Variants in DNAAF9 observed in about 807,000 individuals in gnomAD.
DNAAF9 encodes the protein dynein axonemal assembly factor 9.
Under a neutral mutation model 167.0 loss-of-function variants are expected in DNAAF9, and 90 were observed. That is an observed-to-expected ratio of 0.54 (90% CI 0.45 to 0.64). The LOEUF (loss-of-function observed/expected upper bound fraction) is 0.64, where lower values mean the gene tolerates loss of function less well. DNAAF9 is among the 30% of genes least tolerant of loss of function. The probability of loss-of-function intolerance (pLI) is 0.00; values close to 1 mark genes in which losing one functional copy is unlikely to be tolerated. For synonymous variants in DNAAF9, 491 were observed against 508.8 expected (o/e 0.96, Z 0.47); for missense variants, 1,315 against 1,442.2 (o/e 0.91, Z 1.43).
chr20:3,283,595 C>T (rs958759916), intron 27 of DNAAF9, among the ~76,000 whole-genome samples: 19 of 152,222 alleles, frequency 1.2e-4, no homozygotes, highest in African/African-American at 1.9e-4. Flanking sequence ...ACCCACAACA[C>T]GCACTGCCAG....
At chr20:3,377,952 C>T (rs1298856650) in intron 3 of DNAAF9, among the ~76,000 whole-genome samples, 3 of 152,162 alleles carry the variant, frequency 2.0e-5, no homozygotes, top group Non-Finnish European at 4.4e-5. Flanking sequence ...TTTTGGTTTA[C>T]AGCTTCAAAG....
chr20:3,295,740 T>C, intron 23 of DNAAF9: 1 of 644,508 alleles, frequency 1.6e-6, no homozygotes, highest in South Asian at 1.4e-5. Flanking sequence ...CGTGATGTAG[T>C]TGTCCACTTT....
intron 20 of DNAAF9, among the ~76,000 whole-genome samples, chr20:3,308,019 T>C (rs2069333409): frequency 6.7e-6 from 1 of 149,792 alleles, no homozygotes; most frequent in South Asian, 2.1e-4. Context: ...CCCAGATGTC[T>C]ATGAACTCAC....
intron 20 of DNAAF9, 85 bp downstream of exon 20, chr20:3,314,948 G>T: frequency 1.3e-6 from 1 of 753,948 alleles, no homozygotes; most frequent in Non-Finnish European, 2.4e-6. Context: ...AATAGAAGAT[G>T]TATTATTAAT....
At chr20:3,303,348 A>G (rs1462674127) in intron 21 of DNAAF9, among the ~76,000 whole-genome samples, 1 of 152,156 alleles carries the variant, frequency 6.6e-6, no homozygotes, top group African/African-American at 2.4e-5. Context: ...TAGAGGTTTA[A>G]TAAATATTCA....
chr20:3,406,789 T>A (rs1416654588), intron 1 of DNAAF9, among the ~76,000 whole-genome samples: 2 of 152,150 alleles, frequency 1.3e-5, no homozygotes, highest in Non-Finnish European at 2.9e-5. Flanking sequence ...GCGTCCCTAA[T>A]ACCTCTACTT....
chr20:3,326,146 T>C (rs1208910706), intron 13 of DNAAF9, 51 bp downstream of exon 13: 3 of 1,317,496 alleles, frequency 2.3e-6, no homozygotes, highest in African/African-American at 1.5e-5. Flanking sequence ...GGATAGAATG[T>C]TTTACATTAA....
Position 3,255,328 on chromosome 20 carries a change from T to C in DNAAF9, c.3262-44A>G, listed in dbSNP as rs1324970447. 3 of 1,258,464 alleles carry C rather than the reference T, an allele frequency of 2.4e-6. No individual in the cohort carries two copies. The East Asian group carries it at 7.6e-5, about 32-fold the overall frequency. The allele number at this position is 1,258,464 out of a possible 1,614,324, so 78.0% of individuals were successfully genotyped here. A position where few individuals can be genotyped will look rare whatever the true frequency, so the allele number is the denominator to read the frequency against. ...GAGGGTCAGGTCCCAGCAGAACTCA[T>C]GGAGTGCATGGGCAGGGGAGGGCTC... is the stretch of plus-strand genomic sequence containing the variant. On this transcript the variant is annotated intron_variant, in intron 34 of 36. Coordinates refer to ENST00000252032, the MANE Select transcript of DNAAF9 (RefSeq NM_001009984.3).
intron 33 of DNAAF9, among the ~76,000 whole-genome samples, chr20:3,259,200 G>C (rs1437930651): frequency 6.6e-6 from 1 of 152,226 alleles, no homozygotes; most frequent in African/African-American, 2.4e-5. Flanking sequence ...GTAAGGCTCT[G>C]AACAAGAAGG....
intron 23 of DNAAF9, chr20:3,296,284 G>A (rs1187175521): frequency 2.5e-6 from 1 of 399,020 alleles, no homozygotes; most frequent in Non-Finnish European, 4.9e-6. Flanking sequence ...CAAGACAGGT[G>A]AGACGGGCCC....
chr20:3,308,017 T>C (rs531461829), intron 20 of DNAAF9, among the ~76,000 whole-genome samples: 1 of 148,906 alleles, frequency 6.7e-6, no homozygotes, highest in South Asian at 2.1e-4. Context: ...AACCCAGATG[T>C]CTATGAACTC....
chr20:3,377,725 T>G (rs2083594630), intron 3 of DNAAF9, among the ~76,000 whole-genome samples: 1 of 152,112 alleles, frequency 6.6e-6, no homozygotes, highest in African/African-American at 2.4e-5. Flanking sequence ...CTTGAAGTGC[T>G]AGGATTATAG....
intron 31 of DNAAF9, among the ~76,000 whole-genome samples, chr20:3,262,248 CTTTTTTT>C (rs953323176): frequency 1.5e-5 from 2 of 131,678 alleles, no homozygotes; most frequent in African/African-American, 2.8e-5. Flanking sequence ...AGTTCACATT[CTTTTTTT>C]TTTTTTTTTT....
At chr20:3,313,823 G>T (rs2069455096) in intron 20 of DNAAF9, among the ~76,000 whole-genome samples, 1 of 152,168 alleles carries the variant, frequency 6.6e-6, no homozygotes, top group Admixed American at 6.5e-5. Flanking sequence ...GATGACAGCG[G>T]TGTAGCTATA....
At chr20:3,343,772 T>C (rs754506085) in intron 8 of DNAAF9, 41 bp from the exon 9 acceptor site, 1 of 1,514,882 alleles carries the variant, frequency 6.6e-7, no homozygotes, top group Non-Finnish European at 9.2e-7. Flanking sequence ...GAACACAATT[T>C]GGTAAAACAG....
chr20:3,316,830 ACCAGCTCAGCCTGCCTTGCAGGCC>A (rs762751616), intron 17 of DNAAF9, 37 bp from the exon 18 acceptor site: 2 of 1,523,372 alleles, frequency 1.3e-6, no homozygotes, highest in Non-Finnish European at 1.8e-6. Flanking sequence ...TTAATTCCCT[ACCAGCTCAGCCTGCCTTGCAGGCC>A]CCAGACCCTA....
At position 3,315,056 on chromosome 20, in the gene DNAAF9, T is replaced by A. The variant is rs753639666; in HGVS notation, c.1655A>T (p.Asn552Ile). ...ACCTTCCTCAGGCCAGGACTGTAGA[T>A]TGCTGGAATAAAGATATGCTCCTTC... ...GGEGAYLYSS[N>I]LQSWPEEGNV... Residue 552 changes from asparagine to isoleucine, a missense_variant, in exon 20 of 37, where the codon AAT becomes ATT. By Grantham distance (149) the Asn-to-Ile change is moderately radical. Transcript: ENST00000252032. This position sits in a 1 kb window ranked among gnomAD's most constrained non-coding sequence, Gnocchi z 4.1. 3 of 1,609,740 alleles carry A rather than the reference T, an allele frequency of 1.9e-6. No homozygotes were observed. The highest frequency in any genetic ancestry group is 1.7e-4 in the Middle Eastern group (1 of 6,048).
chr20:3,258,512 A>G (rs971526027), intron 33 of DNAAF9, among the ~76,000 whole-genome samples: 1 of 152,126 alleles, frequency 6.6e-6, no homozygotes. Context: ...CCAATGAGAT[A>G]AGTCGGCAGA....
Position 3,294,636 on chromosome 20 carries a change from TAAC to T in DNAAF9, c.2019-10_2019-8del, listed in dbSNP as rs764618196. 1.3e-6 allele frequency: 2 copies of T among 1,573,510 alleles called. No homozygotes were observed. The highest frequency in any genetic ancestry group is 2.2e-5 in the South Asian group (2 of 90,314). On this transcript the variant is annotated splice_polypyrimidine_tract_variant and splice_region_variant and intron_variant, in intron 23 of 36. Transcript: ENST00000252032. ...CTTCTGTGCACTGGAGTGCCTGGAA[TAAC>T]AAAAGCTCACAGATTAGAAGTCCAT...
Sources: gnomAD v4.1 joint callset for allele counts (sites outside exome capture counted in the v4.1 genomes callset) on GRCh38, gnomAD v4.1.1 for gene constraint, Gnocchi (gnomAD v3.1) non-coding constraint, MANE v1.5 for transcripts, NCBI Gene and HGNC (gene_info 2026-07-23, HGNC 2026-07-21) for gene names.